The following AKR1C4 variants were observed in gnomAD, a reference collection of about 807,000 sequenced individuals.
AKR1C4 encodes the protein aldo-keto reductase family 1 member C4.
A neutral mutation model predicts 41.0 loss-of-function variants in AKR1C4; 44 were observed. That is an observed-to-expected ratio of 1.07 (90% CI 0.84 to 1.38). The LOEUF is 1.38. Among genes scored for constraint, AKR1C4 ranks in the 40% most tolerant of loss-of-function variants. The pLI, the probability that AKR1C4 is intolerant of heterozygous loss-of-function variation, is 0.00. For synonymous variants in AKR1C4, 165 were observed against 137.7 expected (o/e 1.20, Z -1.39); for missense variants, 438 against 387.9 (o/e 1.13, Z -1.09).
At chr10:5,217,856 G>A (rs1564405792) in intron 8 of AKR1C4, among the ~76,000 whole-genome samples, 1 of 152,310 alleles carries the variant, frequency 6.6e-6, no homozygotes, top group Admixed American at 6.5e-5. Context: ...TATGCTCCAA[G>A]GTTCTAGGAT....
chr10:5,210,256 G>A (rs1198544378), intron 5 of AKR1C4, among the ~76,000 whole-genome samples: 2 of 152,338 alleles, frequency 1.3e-5, no homozygotes, highest in East Asian at 1.9e-4. Context: ...TGATGTAAGA[G>A]GTGGTTCCTA....
At chr10:5,201,937 C>T (rs1027372840) in intron 2 of AKR1C4, among the ~76,000 whole-genome samples, 1 of 152,084 alleles carries the variant, frequency 6.6e-6, no homozygotes, top group African/African-American at 2.4e-5. Context: ...TTTCTGTGTT[C>T]TCTATTCTGT....
chr10:5,216,605 C>T (rs1832660732), intron 7 of AKR1C4, 106 bp from the exon 8 acceptor site: 2 of 722,474 alleles, frequency 2.8e-6, no homozygotes, highest in South Asian at 3.8e-5. Context: ...GGAAACTTAT[C>T]AAGTATTTTA....
intron 8 of AKR1C4, among the ~76,000 whole-genome samples, chr10:5,217,814 A>G (rs1402248532): frequency 1.3e-5 from 2 of 152,206 alleles, no homozygotes; most frequent in Non-Finnish European, 2.9e-5. Flanking sequence ...TGGGGATAAT[A>G]TATAGCTGAC....
chr10:5,200,367 G>A lies in AKR1C4; in HGVS notation c.252+19G>A, dbSNP rs1554796812. ...TTCAAAGGTACTGTGCCTATGATGA[G>A]CATGTATGCACATGTGTTTAATGGG... is the stretch of plus-strand genomic sequence containing the variant. On this transcript the variant is annotated intron_variant, in intron 2 of 8. Transcript: ENST00000263126. 1 of 1,605,552 alleles carries A rather than the reference G, an allele frequency of 6.2e-7. No homozygotes were observed. Among genetic ancestry groups the A allele is most frequent in the Admixed American group, 1.7e-5 (1 of 59,270 alleles).
rs781902313 is a variant in AKR1C4 at position 5,200,324 on chromosome 10, A to G, written c.228A>G (p.Arg76=). 6.2e-7 allele frequency: 1 copy of G among 1,613,926 alleles called. No individual in the cohort carries two copies. Among genetic ancestry groups the G allele is most frequent in the African/African-American group, 1.3e-5 (1 of 74,940 alleles). ...AGATTGCAGATGGCAGTGTGAAGAG[A>G]GAAGACATATTCTACACTTCAAAGG... ...RSKIADGSVK[R]EDIFYTSKLW... is the part of the protein sequence containing the mutation. The change falls in exon 2 of 9, where the codon AGA becomes AGG. Residue 76 remains arginine, a synonymous_variant. Transcript: ENST00000263126.
intron 8 of AKR1C4, among the ~76,000 whole-genome samples, chr10:5,218,237 A>G (rs1438261100): frequency 1.3e-5 from 2 of 152,230 alleles, no homozygotes; most frequent in African/African-American, 4.8e-5. Flanking sequence ...ATCAAAGAAA[A>G]TATTTTCCAT....
intron 5 of AKR1C4, among the ~76,000 whole-genome samples, chr10:5,208,209 A>G (rs889152482): frequency 6.6e-6 from 1 of 151,618 alleles, no homozygotes; most frequent in Admixed American, 6.6e-5. Context: ...TCTGTCATCA[A>G]ATCAACTGTT....
At chr10:5,207,650 C>T (rs985967719) in intron 5 of AKR1C4, 1 of 1,145,088 alleles carries the variant, frequency 8.7e-7, no homozygotes, top group South Asian at 1.2e-5. Context: ...CATTTGCAGC[C>T]TACCTGTGCA....
rs11253040 is a variant in AKR1C4 at position 5,202,541 on chromosome 10, G to C, written c.253-1836G>C. 3.3e-3 allele frequency: 1,443 copies of C among 442,138 alleles called. 48 individuals are homozygous for C. In the East Asian group the frequency reaches 0.08, roughly 24 times the overall value. The allele number at this position is 442,138 out of a possible 1,614,324, so 27.4% of individuals were successfully genotyped here. On this transcript the variant is annotated intron_variant, in intron 2 of 8. Coordinates refer to ENST00000263126, the MANE Select transcript of AKR1C4 (RefSeq NM_001818.5). ...CTCTGGCTAGGACTTCCAGTACTATGTTTAATAGAAGTGGTAAAAATTGGG... is the reference window on the plus strand; with the variant it reads ...CTCTGGCTAGGACTTCCAGTACTATCTTTAATAGAAGTGGTAAAAATTGGG...
At chr10:5,209,251 T>C (rs1832533936) in intron 5 of AKR1C4, among the ~76,000 whole-genome samples, 1 of 152,316 alleles carries the variant, frequency 6.6e-6, no homozygotes, top group Non-Finnish European at 1.5e-5. Context: ...GGGAAAGTTA[T>C]ATTACACAGC....
chr10:5,210,215 G>T (rs776164594), intron 5 of AKR1C4, among the ~76,000 whole-genome samples: 1 of 152,188 alleles, frequency 6.6e-6, no homozygotes, highest in Non-Finnish European at 1.5e-5. Flanking sequence ...TTCACATCCA[G>T]GAGTCAATGG....
At chr10:5,210,933 G>C (rs1214122709) in intron 5 of AKR1C4, among the ~76,000 whole-genome samples, 1 of 152,166 alleles carries the variant, frequency 6.6e-6, no homozygotes, top group Non-Finnish European at 1.5e-5. Context: ...CTTAACTTCT[G>C]TGCACACATA....
chr10:5,215,973 T>TCG (rs1832650586), intron 7 of AKR1C4, among the ~76,000 whole-genome samples: 3 of 152,180 alleles, frequency 2.0e-5, no homozygotes, highest in Non-Finnish European at 4.4e-5. Context: ...TATTAGTCCA[T>TCG]TGTGCGTTGC....
At chr10:5,208,304 T>C (rs566509023) in intron 5 of AKR1C4, among the ~76,000 whole-genome samples, 4 of 151,736 alleles carry the variant, frequency 2.6e-5, no homozygotes, top group South Asian at 2.1e-4. Context: ...AGTTGAAACA[T>C]GTATTTAAAA....
intron 1 of AKR1C4, among the ~76,000 whole-genome samples, chr10:5,198,557 G>A (rs1832348865): frequency 6.6e-6 from 1 of 152,158 alleles, no homozygotes; most frequent in South Asian, 2.1e-4. Context: ...ATCCCTTGTA[G>A]TCAACATTTC....
chr10:5,202,627 T>C (rs557269409), intron 2 of AKR1C4: 60 of 284,638 alleles, frequency 2.1e-4, no homozygotes, highest in African/African-American at 1.3e-3. Flanking sequence ...TTCAGTATGA[T>C]GTTGGCTATG....
chr10:5,212,902 T>C, intron 6 of AKR1C4, 92 bp from the exon 7 acceptor site: 1 of 1,505,440 alleles, frequency 6.6e-7, no homozygotes, highest in Non-Finnish European at 9.0e-7. Flanking sequence ...TGAGAGGCTC[T>C]GGTGCAGAAT....
intron 2 of AKR1C4, chr10:5,202,570 C>G (rs1264110001): frequency 4.9e-6 from 2 of 405,414 alleles, no homozygotes; most frequent in African/African-American, 4.1e-5. Context: ...AATTGGGCAT[C>G]CTTGTCTTAT....
Sources: allele counts gnomAD v4.1 joint callset (sites outside exome capture counted in the v4.1 genomes callset), GRCh38; gene constraint gnomAD v4.1.1; transcripts MANE v1.5; gene names NCBI Gene and HGNC (gene_info 2026-07-23, HGNC 2026-07-21).